The following NOVA1 variants were observed in gnomAD, a reference collection of about 807,000 sequenced individuals.
NOVA1 encodes RNA-binding protein Nova-1.
Under a neutral mutation model 38.0 loss-of-function variants are expected in NOVA1, and 7 were observed. The ratio of observed to expected loss-of-function variants is 0.18; its 90% confidence interval spans 0.10 to 0.35. The LOEUF (loss-of-function observed/expected upper bound fraction) is 0.35, where lower values mean the gene tolerates loss of function less well. NOVA1 is among the 10% of genes least tolerant of loss of function. The pLI is 1.00. For missense variants in NOVA1, 460 were observed against 616.0 expected (o/e 0.75, Z 2.68); for synonymous variants, 270 against 232.5 (o/e 1.16, Z -1.47).
At position 26,448,568 on chromosome 14, in the gene NOVA1, A is replaced by C; in HGVS notation, c.915T>G (p.Ser305=). Reference sequence around the variant, plus strand: ...CCACCAGGTCATTGCCTGTGAAGCCAGATAAAACTGCTGGAAAGGCTGCAA... The same window carrying C: ...CCACCAGGTCATTGCCTGTGAAGCCCGATAAAACTGCTGGAAAGGCTGCAA... ...AGVAAFPAVL[S]GFTGNDLVAI... is the part of the protein sequence containing the mutation. Residue 305 remains serine, a synonymous_variant, in exon 5 of 5, where the codon TCT becomes TCG. Coordinates refer to ENST00000539517, the MANE Select transcript of NOVA1 (RefSeq NM_002515.3). The surrounding 1 kb of genome is among the most constrained non-coding windows in gnomAD (Gnocchi z 5.3). The C allele has an allele frequency of 6.2e-7, 1 of 1,614,238 alleles. No homozygotes were observed. Among genetic ancestry groups the C allele is most frequent in the Non-Finnish European group, 8.5e-7 (1 of 1,180,042 alleles).
intron 2 of NOVA1, among the ~76,000 whole-genome samples, chr14:26,530,779 A>G (rs1242802920): frequency 1.3e-5 from 2 of 152,148 alleles, no homozygotes; most frequent in African/African-American, 4.8e-5. Flanking sequence ...AAAAAGTATG[A>G]CTACTATGTG....
At chr14:26,476,101 AC>A (rs1488613867) in intron 3 of NOVA1, among the ~76,000 whole-genome samples, 1 of 152,212 alleles carries the variant, frequency 6.6e-6, no homozygotes, top group Non-Finnish European at 1.5e-5. Context: ...TTGTATACAT[AC>A]TGTACCAAAA....
In NOVA1 at chr14:26,444,179, G is replaced by A. The variant is rs537942002; in HGVS notation, c.*3780C>T. On this transcript the variant is annotated 3_prime_UTR_variant, in exon 5 of 5. Transcript: ENST00000539517. ...AGGAAACATAGGGCCTGTAACGTAG[G>A]GATTCCATTCATTGTTAAATTACTA... is the stretch of plus-strand genomic sequence containing the variant. 1.3e-5 allele frequency: 2 copies of A among 151,816 alleles called. No individual in the cohort carries two copies. Among genetic ancestry groups the A allele is most frequent in the Non-Finnish European group, 2.9e-5 (2 of 67,952 alleles). The allele number at this position is 151,816 out of a possible 1,614,324, so 9.4% of individuals were successfully genotyped here. A position where few individuals can be genotyped will look rare whatever the true frequency, so the allele number is the denominator to read the frequency against.
chr14:26,589,039 C>G (rs1231923120), intron 2 of NOVA1, among the ~76,000 whole-genome samples: 1 of 151,430 alleles, frequency 6.6e-6, no homozygotes, highest in Non-Finnish European at 1.5e-5. Context: ...CTTAACTACT[C>G]TTTGGTAAAT....
At chr14:26,576,794 G>A (rs146904351) in intron 2 of NOVA1, among the ~76,000 whole-genome samples, 5 of 151,424 alleles carry the variant, frequency 3.3e-5, no homozygotes, top group African/African-American at 4.8e-5. Context: ...GTTTTGATAC[G>A]CATATACATA....
At chr14:26,587,392 G>T (rs541525262) in intron 2 of NOVA1, among the ~76,000 whole-genome samples, 1 of 149,512 alleles carries the variant, frequency 6.7e-6, no homozygotes, top group Non-Finnish European at 1.5e-5. Context: ...TATATTCCTC[G>T]AATGGAGAAA....
intron 2 of NOVA1, among the ~76,000 whole-genome samples, chr14:26,492,155 G>A (rs1017951889): frequency 3.3e-5 from 5 of 152,186 alleles, no homozygotes; most frequent in East Asian, 1.9e-4. Flanking sequence ...TACTGTAAAC[G>A]AAATTTATTT....
chr14:26,579,529 T>G (rs568033952), intron 2 of NOVA1, among the ~76,000 whole-genome samples: 4 of 152,208 alleles, frequency 2.6e-5, no homozygotes, highest in Admixed American at 6.5e-5. Flanking sequence ...TACTTACAGT[T>G]AGTTGATCTT....
intron 2 of NOVA1, among the ~76,000 whole-genome samples, chr14:26,487,157 C>G (rs1242639009): frequency 2.0e-5 from 3 of 152,078 alleles, no homozygotes; most frequent in African/African-American, 7.2e-5. Context: ...GAAGGGTTTT[C>G]TAGTCGCAGC....
At chr14:26,459,588 T>C (rs1021667237) in intron 4 of NOVA1, among the ~76,000 whole-genome samples, 4 of 152,140 alleles carry the variant, frequency 2.6e-5, no homozygotes. Flanking sequence ...TAGAAAATAT[T>C]TTAAAATTTT....
At chr14:26,512,688 T>G (rs2138461727) in intron 2 of NOVA1, among the ~76,000 whole-genome samples, 1 of 152,240 alleles carries the variant, frequency 6.6e-6, no homozygotes, top group African/African-American at 2.4e-5. Flanking sequence ...TAATAATAAA[T>G]AAATTTTGCA....
At chr14:26,518,653 G>A (rs1219127367) in intron 2 of NOVA1, among the ~76,000 whole-genome samples, 1 of 151,978 alleles carries the variant, frequency 6.6e-6, no homozygotes, top group Non-Finnish European at 1.5e-5. Context: ...TTTGTAGTGA[G>A]AATATTCGAA....
chr14:26,563,984 C>T (rs1022225481), intron 2 of NOVA1, among the ~76,000 whole-genome samples: 1 of 152,054 alleles, frequency 6.6e-6, no homozygotes, highest in Non-Finnish European at 1.5e-5. Context: ...GATGTATGCA[C>T]TATTATTTTC....
Position 26,597,342 on chromosome 14 carries a change from G to A in NOVA1, c.95C>T (p.Ala32Val), listed in dbSNP as rs748105693. 7.9e-7 allele frequency: 1 copy of A among 1,263,752 alleles called. No homozygotes were observed. Among genetic ancestry groups the A allele is most frequent in the Non-Finnish European group, 1.0e-6 (1 of 996,344 alleles). 78.3% of individuals were successfully genotyped at this position (1,263,752 alleles called of 1,614,324 possible). A position where few individuals can be genotyped will look rare whatever the true frequency, so the allele number is the denominator to read the frequency against. Residue 32 changes from alanine to valine, a missense_variant, in exon 1 of 5, where the codon GCC becomes GTC. By Grantham distance (64) the Ala-to-Val change is moderately conservative. Transcript: ENST00000539517. Reference protein sequence around the residue: ...PPDSRKRPLEAPPEAGSTKRT... With the variant: ...PPDSRKRPLEVPPEAGSTKRT... ...CTTGGTGCTGCCGGCTTCAGGGGGG[G>A]CTTCCAGCGGCCTTTTCCGCGAGTC...
intron 4 of NOVA1, among the ~76,000 whole-genome samples, chr14:26,460,629 C>A (rs1883580156): frequency 6.6e-6 from 1 of 151,852 alleles, no homozygotes. Context: ...AATTTATTGT[C>A]TCCGGAAAAA....
chr14:26,584,523 C>A (rs1219614416), intron 2 of NOVA1, among the ~76,000 whole-genome samples: 1 of 151,280 alleles, frequency 6.6e-6, no homozygotes, highest in East Asian at 1.9e-4. Flanking sequence ...GTCTTTTCTT[C>A]TTTTTCATAT....
chr14:26,575,885 G>C (rs1030209341), intron 2 of NOVA1, among the ~76,000 whole-genome samples: 7 of 151,820 alleles, frequency 4.6e-5, no homozygotes, highest in African/African-American at 1.7e-4. Context: ...AAAACATTAA[G>C]TAGTACAGTT....
chr14:26,573,890 C>A (rs941133127), intron 2 of NOVA1, among the ~76,000 whole-genome samples: 13 of 152,220 alleles, frequency 8.5e-5, no homozygotes, highest in African/African-American at 3.1e-4. Context: ...TGATTTCAGT[C>A]TTTATCTAAG....
At chr14:26,566,948 G>C (rs1892170993) in intron 2 of NOVA1, among the ~76,000 whole-genome samples, 1 of 152,080 alleles carries the variant, frequency 6.6e-6, no homozygotes, top group South Asian at 2.1e-4. Flanking sequence ...CAAAAAGCTA[G>C]AAGCTGGGAA....
Sources: gnomAD v4.1 joint callset for allele counts (sites outside exome capture counted in the v4.1 genomes callset) on GRCh38, gnomAD v4.1.1 for gene constraint, Gnocchi (gnomAD v3.1) non-coding constraint, MANE v1.5 for transcripts, NCBI Gene and HGNC (gene_info 2026-07-23, HGNC 2026-07-21) for gene names.